FHIT: variants seen among roughly 807,000 people sequenced by gnomAD.
FHIT encodes bis(5'-adenosyl)-triphosphatase.
Under a neutral mutation model 17.9 loss-of-function variants are expected in FHIT, and 19 were observed. The observed-to-expected ratio is 1.06, with a 90% CI of 0.74 to 1.56. The LOEUF (loss-of-function observed/expected upper bound fraction) is 1.56. Ranked by LOEUF, FHIT falls within the 40% of genes most tolerant of loss-of-function variation. FHIT has a pLI of 0.00. For missense variants in FHIT, 248 were observed against 189.2 expected, an observed-to-expected ratio of 1.31 and a Z score of -1.82; for synonymous variants, 81 against 69.7, an observed-to-expected ratio of 1.16 and a Z score of -0.81.
At chr3:60,278,652 G>C (rs1377106458) in intron 5 of FHIT, among the ~76,000 whole-genome samples, 1 of 151,752 alleles carries the variant, frequency 6.6e-6, no homozygotes, top group East Asian at 1.9e-4. Context: ...GAAGCATCTG[G>C]AACTTAAAGC....
chr3:60,329,994 C>T (rs1393433563), intron 5 of FHIT, among the ~76,000 whole-genome samples: 2 of 152,176 alleles, frequency 1.3e-5, no homozygotes, highest in Non-Finnish European at 2.9e-5. Context: ...AAATTAATTG[C>T]CCCATATGTT....
intron 4 of FHIT, among the ~76,000 whole-genome samples, chr3:60,675,764 C>T (rs1480964334): frequency 6.6e-6 from 1 of 152,144 alleles, no homozygotes; most frequent in Admixed American, 6.6e-5. Context: ...AATAAACTTT[C>T]TTTGTACCAT....
chr3:59,997,698 C>T (rs565345000), intron 7 of FHIT, among the ~76,000 whole-genome samples: 11 of 152,122 alleles, frequency 7.2e-5, no homozygotes, highest in Non-Finnish European at 1.3e-4. Context: ...TACATGCTTA[C>T]TCTAGTAATG....
At chr3:60,927,167 T>C (rs1194021329) in intron 3 of FHIT, among the ~76,000 whole-genome samples, 1 of 151,980 alleles carries the variant, frequency 6.6e-6, no homozygotes, top group Non-Finnish European at 1.5e-5. Context: ...GCCTGACTGG[T>C]TTTTGTATTT....
chr3:60,688,983 C>G (rs1238733618), intron 4 of FHIT, among the ~76,000 whole-genome samples: 1 of 152,116 alleles, frequency 6.6e-6, no homozygotes, highest in Non-Finnish European at 1.5e-5. Context: ...CAAATCTCAT[C>G]TTGTAGCTCC....
chr3:60,892,089 T>C (rs1705543165), intron 3 of FHIT, among the ~76,000 whole-genome samples: 1 of 152,156 alleles, frequency 6.6e-6, no homozygotes, highest in East Asian at 1.9e-4. Context: ...TCATCAATAG[T>C]CCACAGAGTA....
chr3:60,183,888 T>C (rs781411118), intron 5 of FHIT, among the ~76,000 whole-genome samples: 11 of 152,188 alleles, frequency 7.2e-5, no homozygotes, highest in Non-Finnish European at 1.2e-4. Flanking sequence ...AGAGTTCCCA[T>C]ATATGCCACA....
At chr3:60,010,099 T>C (rs1177148288) in intron 7 of FHIT, among the ~76,000 whole-genome samples, 1 of 152,210 alleles carries the variant, frequency 6.6e-6, no homozygotes, top group African/African-American at 2.4e-5. Context: ...TAATCCGGTA[T>C]AGTTGGAATT....
At chr3:60,531,274 CTTTTTTT>C (rs5741620) in intron 5 of FHIT, among the ~76,000 whole-genome samples, 1 of 83,136 alleles carries the variant, frequency 1.2e-5, no homozygotes, top group Non-Finnish European at 2.3e-5. Flanking sequence ...GAAAAGAACT[CTTTTTTT>C]TTTTTTTTTT....
intron 8 of FHIT, among the ~76,000 whole-genome samples, chr3:59,755,046 G>A (rs1228226551): frequency 6.6e-6 from 1 of 152,096 alleles, no homozygotes; most frequent in African/African-American, 2.4e-5. Flanking sequence ...TGCACTTACT[G>A]TTGAGAATCA....
intron 2 of FHIT, among the ~76,000 whole-genome samples, chr3:61,076,768 T>C (rs776989936): frequency 6.6e-6 from 1 of 151,984 alleles, no homozygotes; most frequent in Non-Finnish European, 1.5e-5. Flanking sequence ...TGTTAAGAGG[T>C]AGAGGAATGG....
At chr3:60,290,961 A>G (rs1334411313) in intron 5 of FHIT, among the ~76,000 whole-genome samples, 1 of 152,152 alleles carries the variant, frequency 6.6e-6, no homozygotes, top group Non-Finnish European at 1.5e-5. Flanking sequence ...TGAGAAAATC[A>G]CTTCCTGATT....
At chr3:60,360,686 AC>A (rs1426234183) in intron 5 of FHIT, among the ~76,000 whole-genome samples, 2 of 152,100 alleles carry the variant, frequency 1.3e-5, no homozygotes, top group Non-Finnish European at 2.9e-5. Context: ...GTCATAATAA[AC>A]CTGTTCTTTA....
intron 1 of FHIT, among the ~76,000 whole-genome samples, chr3:61,213,795 T>G (rs1045379995): frequency 6.6e-6 from 1 of 152,076 alleles, no homozygotes; most frequent in African/African-American, 2.4e-5. Flanking sequence ...ACAGAAATTA[T>G]AACAAATTGT....
intron 5 of FHIT, among the ~76,000 whole-genome samples, chr3:60,290,036 C>G (rs970306158): frequency 6.6e-6 from 1 of 152,172 alleles, no homozygotes; most frequent in Non-Finnish European, 1.5e-5. Flanking sequence ...AGGATCTCAG[C>G]TGATTGTGGT....
chr3:60,355,172 A>T (rs985890037), intron 5 of FHIT, among the ~76,000 whole-genome samples: 2 of 152,130 alleles, frequency 1.3e-5, no homozygotes, highest in South Asian at 4.1e-4. Context: ...TTTTGTTGTA[A>T]CCTCCACTCG....
chr3:60,757,049 C>G (rs782518013), intron 4 of FHIT, among the ~76,000 whole-genome samples: 1 of 151,998 alleles, frequency 6.6e-6, no homozygotes, highest in African/African-American at 2.4e-5. Flanking sequence ...AAAAAAAAAT[C>G]AGCCAGAGCT....
intron 8 of FHIT, among the ~76,000 whole-genome samples, chr3:59,843,774 T>A (rs1701616985): frequency 6.6e-6 from 1 of 152,100 alleles, no homozygotes; most frequent in African/African-American, 2.4e-5. Flanking sequence ...CTTACAGATT[T>A]TTTTTTTTGG....
chr3:61,017,712 G>A (rs914302621), intron 3 of FHIT, among the ~76,000 whole-genome samples: 1 of 152,174 alleles, frequency 6.6e-6, no homozygotes, highest in Non-Finnish European at 1.5e-5. Context: ...GATATGCTGA[G>A]ATAACATTGT....
Sources: allele counts gnomAD v4.1 joint callset (sites outside exome capture counted in the v4.1 genomes callset), GRCh38; gene constraint gnomAD v4.1.1; transcripts MANE v1.5; gene names NCBI Gene and HGNC (gene_info 2026-07-23, HGNC 2026-07-21).